SNX24: variants seen among roughly 807,000 people sequenced by gnomAD.
SNX24 encodes the protein sorting nexin 24, also known as sorting nexin-24.
Under a neutral mutation model 28.7 loss-of-function variants are expected in SNX24, and 22 were observed. That is an observed-to-expected ratio of 0.77 (90% confidence interval 0.55 to 1.10). SNX24 has a LOEUF of 1.10. SNX24 is among the 50% of genes least tolerant of loss of function. The pLI is 0.00. For missense variants in SNX24, 221 were observed against 201.1 expected, an observed-to-expected ratio of 1.10 and a Z score of -0.60; for synonymous variants, 69 against 71.5, an observed-to-expected ratio of 0.96 and a Z score of 0.18.
intron 1 of SNX24, among the ~76,000 whole-genome samples, chr5:122,887,035 T>G (rs7711536): frequency 0.012 from 1,897 of 152,278 alleles, 42 homozygotes; most frequent in African/African-American, 0.044. Context: ...CTGCATCCCA[T>G]TGTTTCCCTC....
At chr5:122,943,245 CAGT>C (rs1487662968) in intron 2 of SNX24, among the ~76,000 whole-genome samples, 1 of 152,184 alleles carries the variant, frequency 6.6e-6, no homozygotes, top group Non-Finnish European at 1.5e-5. Flanking sequence ...GAACCTATCG[CAGT>C]AGTTTCTGTT....
intron 1 of SNX24, among the ~76,000 whole-genome samples, chr5:122,869,608 G>T (rs979028744): frequency 6.6e-6 from 1 of 151,300 alleles, no homozygotes; most frequent in Non-Finnish European, 1.5e-5. Context: ...ATTATGAACA[G>T]GATTGAAATT....
chr5:122,876,335 T>C (rs1489695336), intron 1 of SNX24, among the ~76,000 whole-genome samples: 1 of 152,226 alleles, frequency 6.6e-6, no homozygotes, highest in Non-Finnish European at 1.5e-5. Flanking sequence ...CGTATAAAAA[T>C]GAAAAATATT....
intron 3 of SNX24, among the ~76,000 whole-genome samples, chr5:122,991,867 A>G (rs1372440808): frequency 4.6e-5 from 7 of 152,186 alleles, no homozygotes; most frequent in African/African-American, 1.4e-4. Flanking sequence ...TTGAGATGTT[A>G]AGATAAAATC....
chr5:123,004,819 T>C (rs1465734549), intron 6 of SNX24, among the ~76,000 whole-genome samples: 1 of 152,182 alleles, frequency 6.6e-6, no homozygotes, highest in Non-Finnish European at 1.5e-5. Flanking sequence ...TCACATTGAA[T>C]GCCACGGCTT....
At chr5:122,911,425 T>C (rs1216074301) in intron 1 of SNX24, among the ~76,000 whole-genome samples, 3 of 152,162 alleles carry the variant, frequency 2.0e-5, no homozygotes, top group Non-Finnish European at 4.4e-5. Context: ...AGGTTGCCTG[T>C]TCACTCTGAT....
At chr5:123,000,731 G>T (rs1762217612) in intron 4 of SNX24, among the ~76,000 whole-genome samples, 1 of 152,212 alleles carries the variant, frequency 6.6e-6, no homozygotes, top group Admixed American at 6.5e-5. Context: ...GGCTGAGCTA[G>T]CCTCAGAAGG....
At chr5:122,918,736 T>G (rs866192944) in intron 1 of SNX24, among the ~76,000 whole-genome samples, 1 of 152,176 alleles carries the variant, frequency 6.6e-6, no homozygotes, top group South Asian at 2.1e-4. Flanking sequence ...AAAAAAGAGA[T>G]GCAGAGAAGT....
At chr5:122,854,381 G>T (rs1040783574) in intron 1 of SNX24, among the ~76,000 whole-genome samples, 2 of 151,990 alleles carry the variant, frequency 1.3e-5, no homozygotes, top group Admixed American at 6.6e-5. Flanking sequence ...GGTGGCGGGT[G>T]CCTGTAGTCC....
Position 123,001,929 on chromosome 5 carries a change from G to C in SNX24, c.378-11G>C, listed in dbSNP as rs1319285527. The C allele has an allele frequency of 1.2e-6, 2 of 1,613,662 alleles. No individual in the cohort carries two copies. The highest frequency in any genetic ancestry group is 1.7e-5 in the Admixed American group (1 of 60,024). On this transcript the variant is annotated splice_polypyrimidine_tract_variant and intron_variant, in intron 5 of 6. Coordinates refer to ENST00000261369, the MANE Select transcript of SNX24 (RefSeq NM_014035.4). The stretch of plus-strand genomic sequence containing the variant: ...CCCTGATGCTGACATGCCTGTTCTT[G>C]ACCTTTCCAGCAAACTGTCCCACCA...
At chr5:122,889,659 A>G (rs1490715689) in intron 1 of SNX24, among the ~76,000 whole-genome samples, 2 of 146,506 alleles carry the variant, frequency 1.4e-5, no homozygotes, top group South Asian at 2.1e-4. Context: ...ATGTATATAT[A>G]TGTGTATATA....
intron 1 of SNX24, among the ~76,000 whole-genome samples, chr5:122,935,175 A>G (rs1486356722): frequency 6.6e-6 from 1 of 152,232 alleles, no homozygotes. Flanking sequence ...GATGGAAACT[A>G]CTTTCATTGC....
chr5:122,916,589 G>A (rs34082959), intron 1 of SNX24, among the ~76,000 whole-genome samples: 4,686 of 152,088 alleles, frequency 0.031, 84 homozygotes, highest in Non-Finnish European at 0.038. Flanking sequence ...GTCCATTTGG[G>A]ACCTTTATTT....
intron 1 of SNX24, among the ~76,000 whole-genome samples, chr5:122,910,430 G>A (rs1308629738): frequency 1.3e-5 from 2 of 152,122 alleles, no homozygotes; most frequent in African/African-American, 4.8e-5. Flanking sequence ...GCTCCTCCAA[G>A]GCCCAGCCTG....
chr5:122,846,672 G>C (rs1754651016), intron 1 of SNX24, among the ~76,000 whole-genome samples: 1 of 152,046 alleles, frequency 6.6e-6, no homozygotes, highest in Admixed American at 6.5e-5. Flanking sequence ...TTCTTAGTTG[G>C]GACTAAATTA....
intron 2 of SNX24, among the ~76,000 whole-genome samples, chr5:122,945,127 C>A (rs1173205939): frequency 6.6e-6 from 1 of 152,168 alleles, no homozygotes; most frequent in Non-Finnish European, 1.5e-5. Flanking sequence ...AGAAACCATT[C>A]TTTCCAGCTT....
intron 1 of SNX24, among the ~76,000 whole-genome samples, chr5:122,884,895 T>C (rs1393761671): frequency 6.6e-6 from 1 of 152,174 alleles, no homozygotes; most frequent in Non-Finnish European, 1.5e-5. Flanking sequence ...ATGCCTCCAT[T>C]GTGGAAAACA....
intron 1 of SNX24, among the ~76,000 whole-genome samples, chr5:122,926,822 G>C (rs1346644783): frequency 6.6e-6 from 1 of 152,174 alleles, no homozygotes; most frequent in African/African-American, 2.4e-5. Context: ...CAGGAATCCA[G>C]GCCTATGAAT....
In SNX24 at chr5:122,976,435, A is replaced by T. The variant is rs574595722; in HGVS notation, c.250-23477A>T. ...TTGTTATTCTTCTTTTAGCAAGACA[A>T]ATAACATGAGTTTAGTAATTGTGCC... On this transcript the variant is annotated intron_variant, in intron 3 of 6. Coordinates refer to ENST00000261369, the MANE Select transcript of SNX24 (RefSeq NM_014035.4). Among the ~76,000 whole-genome samples, 5 of 152,348 alleles carry T rather than the reference A, an allele frequency of 3.3e-5. No homozygotes were observed. The East Asian group carries it at 9.6e-4, about 29-fold the overall frequency.
Sources: gnomAD v4.1 joint callset for allele counts (sites outside exome capture counted in the v4.1 genomes callset) on GRCh38, gnomAD v4.1.1 for gene constraint, MANE v1.5 for transcripts, NCBI Gene and HGNC (gene_info 2026-07-23, HGNC 2026-07-21) for gene names.